The following ZNF618 variants were observed in gnomAD, a reference collection of about 807,000 sequenced individuals.
ZNF618 encodes neural precursor cell expressed, developmentally down-regulated 10.
A neutral mutation model predicts 103.0 loss-of-function variants in ZNF618; 34 were observed. The ratio of observed to expected loss-of-function variants is 0.33; its 90% CI spans 0.25 to 0.44. The LOEUF (loss-of-function observed/expected upper bound fraction) is 0.44, where lower values mean the gene tolerates loss of function less well. Among genes scored for constraint, ZNF618 ranks in the 20% least tolerant of loss-of-function variants. The probability of loss-of-function intolerance (pLI) is 1.00; values close to 1 mark genes in which losing one functional copy is unlikely to be tolerated. For missense variants in ZNF618, 1,059 were observed against 1,295.4 expected (o/e 0.82, Z 2.80); for synonymous variants, 551 against 542.2 (o/e 1.02, Z -0.23).
rs147249059 is a variant in ZNF618 at position 113,918,392 on chromosome 9, A to C, written c.33+41979A>C. ...TGTGGCGATATTTTGAGACTATGCA[A>C]ATATCTCATTTTTCATCATGCTTTT... On this transcript the variant is annotated intron_variant, in intron 1 of 14. Transcript: ENST00000374126. Among the ~76,000 whole-genome samples the C allele has an allele frequency of 7.0e-3, 1,066 of 152,232 alleles. 14 individuals are homozygous for C. Among genetic ancestry groups the C allele is most frequent in the African/African-American group, 0.023 (970 of 41,534 alleles).
At chr9:114,031,068 C>T (rs552302069) in intron 11 of ZNF618, among the ~76,000 whole-genome samples, 1 of 152,092 alleles carries the variant, frequency 6.6e-6, no homozygotes, top group African/African-American at 2.4e-5. Context: ...TACATCCAAC[C>T]CCAGTAACTT....
chr9:114,028,737 T>C lies in ZNF618; in HGVS notation c.849T>C (p.Thr283=), dbSNP rs149965650. Residue 283 remains threonine (T), a synonymous_variant, in exon 11 of 15, where the codon ACT becomes ACC. Coordinates refer to ENST00000374126, the MANE Select transcript of ZNF618 (RefSeq NM_001318042.2). The part of the protein sequence containing the change: ...EHVALHAPIS[T]APGWEPPDDP... ...CTGAGAGCGTGACCCTCTCAGGTAC[T>C]GCCCCCGGGTGGGAGCCACCGGATG... 1.2e-3 allele frequency: 1,857 copies of C among 1,550,072 alleles called. 13 individuals are homozygous for C. In the African/African-American group the frequency reaches 0.018, roughly 15 times the overall value.
At chr9:113,955,763 A>G (rs1189214118) in intron 1 of ZNF618, among the ~76,000 whole-genome samples, 2 of 151,680 alleles carry the variant, frequency 1.3e-5, no homozygotes, top group East Asian at 1.9e-4. Flanking sequence ...CACTTTACAC[A>G]TATTTTTTTC....
intron 1 of ZNF618, among the ~76,000 whole-genome samples, chr9:113,901,686 G>A (rs1314932664): frequency 2.0e-5 from 3 of 152,106 alleles, no homozygotes; most frequent in South Asian, 4.2e-4. Flanking sequence ...GCTCATAAAC[G>A]CCACTGCTTC....
At chr9:113,894,279 C>T (rs1013631872) in intron 1 of ZNF618, among the ~76,000 whole-genome samples, 1 of 152,162 alleles carries the variant, frequency 6.6e-6, no homozygotes, top group Non-Finnish European at 1.5e-5. Flanking sequence ...ATCTTAAACA[C>T]CTTTTCAATT....
At chr9:114,009,249 AG>A (rs1842036001) in intron 9 of ZNF618, among the ~76,000 whole-genome samples, 1 of 152,092 alleles carries the variant, frequency 6.6e-6, no homozygotes, top group Non-Finnish European at 1.5e-5. Context: ...GGGAGGCCTG[AG>A]GGAATGCTGG....
chr9:113,910,229 T>C (rs564329980), intron 1 of ZNF618, among the ~76,000 whole-genome samples: 1 of 152,164 alleles, frequency 6.6e-6, no homozygotes. Flanking sequence ...TGCCATGGCC[T>C]CCCAGACCAC....
At chr9:113,923,046 T>A (rs1319360217) in intron 1 of ZNF618, among the ~76,000 whole-genome samples, 2 of 152,232 alleles carry the variant, frequency 1.3e-5, no homozygotes, top group African/African-American at 4.8e-5. Flanking sequence ...CCTACGTTTT[T>A]ATTTTTTTGG....
At chr9:113,943,838 T>C (rs1260984681) in intron 1 of ZNF618, among the ~76,000 whole-genome samples, 1 of 151,934 alleles carries the variant, frequency 6.6e-6, no homozygotes, top group Non-Finnish European at 1.5e-5. Flanking sequence ...GTCAGGATAG[T>C]GGAGGGCTTG....
intron 1 of ZNF618, among the ~76,000 whole-genome samples, chr9:113,960,242 C>T (rs1836720565): frequency 6.6e-6 from 1 of 152,238 alleles, no homozygotes. Flanking sequence ...CATCTCTTCC[C>T]TGGAAGGGGA....
intron 9 of ZNF618, among the ~76,000 whole-genome samples, chr9:114,015,360 A>C (rs987690722): frequency 6.6e-6 from 1 of 152,258 alleles, no homozygotes; most frequent in African/African-American, 2.4e-5. Context: ...AAAGAAAAAC[A>C]ATAGTTAATT....
At chr9:113,960,089 A>G (rs1382292962) in intron 1 of ZNF618, among the ~76,000 whole-genome samples, 1 of 152,252 alleles carries the variant, frequency 6.6e-6, no homozygotes, top group Non-Finnish European at 1.5e-5. Context: ...AACAGCAACA[A>G]AAATCTGTGT....
intron 1 of ZNF618, among the ~76,000 whole-genome samples, chr9:113,889,182 C>T (rs1265960736): frequency 6.6e-6 from 1 of 152,152 alleles, no homozygotes; most frequent in Non-Finnish European, 1.5e-5. Flanking sequence ...AGTTCTGGCT[C>T]AGGGTCTTTC....
At chr9:114,026,586 C>A (rs549176004) in intron 10 of ZNF618, among the ~76,000 whole-genome samples, 16 of 152,318 alleles carry the variant, frequency 1.1e-4, no homozygotes, top group African/African-American at 3.1e-4. Flanking sequence ...GAGGAGTGCA[C>A]GGCCTTGTGC....
intron 1 of ZNF618, among the ~76,000 whole-genome samples, chr9:113,956,127 T>C (rs1215634524): frequency 1.4e-5 from 2 of 146,404 alleles, no homozygotes; most frequent in African/African-American, 5.1e-5. Context: ...GAGAATTGCT[T>C]GAACCCGGGA....
At chr9:113,957,987 C>G (rs956007988) in intron 1 of ZNF618, among the ~76,000 whole-genome samples, 3 of 152,036 alleles carry the variant, frequency 2.0e-5, no homozygotes, top group African/African-American at 7.2e-5. Context: ...AATCATAAAC[C>G]TGGAGAGAGA....
intron 2 of ZNF618, among the ~76,000 whole-genome samples, chr9:113,983,049 C>T (rs1342970149): frequency 6.6e-6 from 1 of 152,120 alleles, no homozygotes; most frequent in African/African-American, 2.4e-5. Flanking sequence ...TTGTAGTTAT[C>T]TATATATAAA....
At chr9:113,925,802 C>T (rs763272383) in intron 1 of ZNF618, among the ~76,000 whole-genome samples, 2 of 152,126 alleles carry the variant, frequency 1.3e-5, no homozygotes, top group East Asian at 1.9e-4. Flanking sequence ...CAATTCTTCC[C>T]TCCCTTCCCT....
At chr9:113,892,344 T>A (rs4979289) in intron 1 of ZNF618, among the ~76,000 whole-genome samples, 47,951 of 152,068 alleles carry the variant, frequency 0.32, 8,030 homozygotes, top group East Asian at 0.51. Flanking sequence ...CTGTGTGAGT[T>A]CTGTATATTT....
Sources: gnomAD v4.1 joint callset for allele counts (sites outside exome capture counted in the v4.1 genomes callset) on GRCh38, gnomAD v4.1.1 for gene constraint, MANE v1.5 for transcripts, NCBI Gene and HGNC (gene_info 2026-07-23, HGNC 2026-07-21) for gene names.